The following ABLIM2 variants were observed in gnomAD, a reference collection of about 807,000 sequenced individuals.
The protein encoded by ABLIM2 is actin-binding LIM protein 2.
ABLIM2 carries 53 observed loss-of-function variants against 97.7 expected under a neutral mutation model. That is an observed-to-expected ratio of 0.54 (90% CI 0.44 to 0.68). The LOEUF is 0.68. Ranked by LOEUF, ABLIM2 falls within the 30% of genes least tolerant of loss-of-function variation. ABLIM2 has a pLI of 0.00. For synonymous variants in ABLIM2, 361 were observed against 345.8 expected (o/e 1.04, Z -0.49); for missense variants, 835 against 867.2 (o/e 0.96, Z 0.47).
chr4:8,106,373 C>A (rs1339403522), intron 2 of ABLIM2, 121 bp downstream of exon 2: 2 of 1,335,830 alleles, frequency 1.5e-6, no homozygotes, highest in East Asian at 2.5e-5. Flanking sequence ...GATTCTGTAT[C>A]TGGAGTGTTC....
chr4:8,008,004 T>G (rs368037222), intron 16 of ABLIM2, 55 bp downstream of exon 16: 37 of 1,600,704 alleles, frequency 2.3e-5, no homozygotes, highest in Non-Finnish European at 3.2e-5. Flanking sequence ...TGGGGCCTCT[T>G]TGCCGCGAGG....
At chr4:7,976,756 C>A (rs1047251472) in intron 20 of ABLIM2, among the ~76,000 whole-genome samples, 7 of 152,116 alleles carry the variant, frequency 4.6e-5, no homozygotes, top group Admixed American at 2.6e-4. Context: ...AATATGCACA[C>A]ACATATACAG....
intron 2 of ABLIM2, 125 bp downstream of exon 2, chr4:8,106,369 G>C (rs1837403895): frequency 7.6e-7 from 1 of 1,308,458 alleles, no homozygotes; most frequent in Non-Finnish European, 1.1e-6. Context: ...TGAAGATTCT[G>C]TATCTGGAGT....
intron 17 of ABLIM2, among the ~76,000 whole-genome samples, chr4:7,988,204 G>A (rs1307327244): frequency 6.6e-6 from 1 of 152,078 alleles, no homozygotes; most frequent in African/African-American, 2.4e-5. Flanking sequence ...TGTAATTTTA[G>A]TAGAGACAGG....
intron 10 of ABLIM2, among the ~76,000 whole-genome samples, chr4:8,034,042 C>T (rs942134426): frequency 1.3e-5 from 2 of 152,196 alleles, no homozygotes; most frequent in Non-Finnish European, 2.9e-5. Flanking sequence ...AGGCTTGAAT[C>T]GCACGTCCCA....
chr4:8,108,669 C>G (rs1304846635), intron 1 of ABLIM2, among the ~76,000 whole-genome samples: 2 of 152,236 alleles, frequency 1.3e-5, no homozygotes, highest in Non-Finnish European at 2.9e-5. Flanking sequence ...GGGACGCCCC[C>G]CTTCTGGGAG....
At chr4:8,115,358 G>A (rs12647215) in intron 1 of ABLIM2, among the ~76,000 whole-genome samples, 103,680 of 151,550 alleles carry the variant, frequency 0.68, 36,448 homozygotes, top group East Asian at 0.9. Flanking sequence ...TCCTCCTTTC[G>A]CGCCTGCCTG....
At chr4:7,987,029 C>T (rs756959592) in intron 17 of ABLIM2, among the ~76,000 whole-genome samples, 11 of 152,230 alleles carry the variant, frequency 7.2e-5, no homozygotes, top group Admixed American at 2.0e-4. Flanking sequence ...GTCACCCAGA[C>T]TGGAGTGCAG....
At chr4:8,010,621 A>C in intron 14 of ABLIM2, 82 of 963,500 alleles carry the variant, frequency 8.5e-5, no homozygotes, top group South Asian at 1.9e-4. Flanking sequence ...CGTTACTCTC[A>C]ACGGCTACCT....
rs531689560 is a variant in ABLIM2 at position 8,088,302 on chromosome 4, G to A, written c.339-18C>T. On this transcript the variant is annotated intron_variant, in intron 3 of 20. Coordinates refer to ENST00000447017, the MANE Select transcript of ABLIM2 (RefSeq NM_001130083.2). ...AGGGCAGCCTGAAACAAGAGAGCTC[G>A]TTACCAGCCAGGCCCACCTTCTGGC... 1.2e-5 allele frequency: 19 copies of A among 1,603,486 alleles called. No homozygotes were observed. Among genetic ancestry groups the A allele is most frequent in the South Asian group, 4.5e-5 (4 of 89,684 alleles).
chr4:7,976,909 A>G (rs1188557096), intron 20 of ABLIM2, among the ~76,000 whole-genome samples: 1 of 136,792 alleles, frequency 7.3e-6, no homozygotes, highest in Non-Finnish European at 1.7e-5. Flanking sequence ...ATACATGTAC[A>G]CACACACATA....
chr4:7,988,321 C>G (rs113190189), intron 17 of ABLIM2, among the ~76,000 whole-genome samples: 17 of 152,228 alleles, frequency 1.1e-4, no homozygotes, highest in African/African-American at 4.1e-4. Context: ...CCACGCCCGG[C>G]CTGTTTAGCA....
At chr4:8,018,587 A>G (rs1348210122) in intron 14 of ABLIM2, among the ~76,000 whole-genome samples, 3 of 152,200 alleles carry the variant, frequency 2.0e-5, no homozygotes, top group South Asian at 2.1e-4. Flanking sequence ...AAATGCACAA[A>G]GTACAGGACC....
At position 8,033,506 on chromosome 4, in the gene ABLIM2, A is replaced by C. The variant is rs1425149252; in HGVS notation, c.1047+2643T>G. Among the ~76,000 whole-genome samples, 1 of 152,162 alleles carries C rather than the reference A, an allele frequency of 6.6e-6. No individual in the cohort carries two copies. Among genetic ancestry groups the C allele is most frequent in the African/African-American group, 2.4e-5 (1 of 41,448 alleles). On this transcript the variant is annotated intron_variant, in intron 10 of 20. Coordinates refer to ENST00000447017, the MANE Select transcript of ABLIM2 (RefSeq NM_001130083.2). The surrounding 1 kb of genome is among the most constrained non-coding windows in gnomAD (Gnocchi z 4.5). ...GGCATAGAGGAAGCTCTGTATGGACACACCTGACCCAGGAGCCCAGCCCTG... is the reference window on the plus strand; with the variant it reads ...GGCATAGAGGAAGCTCTGTATGGACCCACCTGACCCAGGAGCCCAGCCCTG...
chr4:8,134,405 C>T (rs900085092), intron 1 of ABLIM2, among the ~76,000 whole-genome samples: 9 of 152,198 alleles, frequency 5.9e-5, no homozygotes, highest in Middle Eastern at 3.4e-3. Context: ...GAAACTGGGC[C>T]GTCTCCTGCT....
intron 1 of ABLIM2, among the ~76,000 whole-genome samples, chr4:8,138,999 C>A (rs889801515): frequency 2.0e-5 from 3 of 152,220 alleles, no homozygotes; most frequent in African/African-American, 7.2e-5. Context: ...GAGTTCAAGA[C>A]CAGCCTGGCC....
rs920357573 is a variant in ABLIM2 at position 8,067,986 on chromosome 4, G to A, written c.676-6932C>T. On this transcript the variant is annotated intron_variant, in intron 6 of 20. Coordinates refer to ENST00000447017, the MANE Select transcript of ABLIM2 (RefSeq NM_001130083.2). The surrounding 1 kb of genome is among the most constrained non-coding windows in gnomAD (Gnocchi z 5.4). ...CCTGCTGAGAACCAGTGGGTCACAGGCGGCCATCGATGGGCTGATGGAGTC... is the reference window on the plus strand; with the variant it reads ...CCTGCTGAGAACCAGTGGGTCACAGACGGCCATCGATGGGCTGATGGAGTC... Among the ~76,000 whole-genome samples, 4 of 152,174 alleles carry A rather than the reference G, an allele frequency of 2.6e-5. No individual in the cohort carries two copies. Among genetic ancestry groups the A allele is most frequent in the African/African-American group, 9.7e-5 (4 of 41,444 alleles).
At position 8,146,432 on chromosome 4, in the gene ABLIM2, A is replaced by C. The variant is rs4696769; in HGVS notation, c.10+12248T>G. 1.2e-4 allele frequency among the ~76,000 whole-genome samples: 19 copies of C among 152,196 alleles called. 2 individuals are homozygous for C. The East Asian group carries it at 3.7e-3, about 29-fold the overall frequency. On this transcript the variant is annotated intron_variant, in intron 1 of 20. Transcript: ENST00000447017. ...AAGTCAGATATTAATGAGATTTGCAAAGCTGTAAAGCAGTGCCTCGGCTCG... is the reference window on the plus strand; with the variant it reads ...AAGTCAGATATTAATGAGATTTGCACAGCTGTAAAGCAGTGCCTCGGCTCG...
intron 12 of ABLIM2, among the ~76,000 whole-genome samples, chr4:8,024,089 A>C (rs1438587900): frequency 1.3e-5 from 2 of 152,204 alleles, no homozygotes; most frequent in African/African-American, 4.8e-5. Flanking sequence ...AGCAAGATGA[A>C]GAGGCGCTGC....
Sources: allele counts gnomAD v4.1 joint callset (sites outside exome capture counted in the v4.1 genomes callset), GRCh38; gene constraint gnomAD v4.1.1; non-coding constraint Gnocchi (gnomAD v3.1); transcripts MANE v1.5; gene names NCBI Gene and HGNC (gene_info 2026-07-23, HGNC 2026-07-21).